TTN: variants seen among roughly 807,000 people sequenced by gnomAD.
TTN encodes the protein connectin.
A neutral mutation model predicts 3,223.0 loss-of-function variants in TTN; 1,525 were observed. That is an observed-to-expected ratio of 0.47 (90% CI 0.45 to 0.49). TTN has a LOEUF of 0.49. TTN is among the 20% of genes least tolerant of loss of function. TTN has a pLI of 0.00. For synonymous variants in TTN, 14,094 were observed against 15,161.0 expected, an observed-to-expected ratio of 0.93 and a Z score of 5.17; for missense variants, 40,786 against 43,424.0, an observed-to-expected ratio of 0.94 and a Z score of 5.40.
chr2:178,740,356 A>G lies in TTN; in HGVS notation c.12877T>C (p.Ser4293Pro). The G allele has an allele frequency of 6.2e-7, 1 of 1,613,646 alleles. No homozygotes were observed. Among genetic ancestry groups the G allele is most frequent in the Non-Finnish European group, 8.5e-7 (1 of 1,179,774 alleles). ...CCTCCTTCTGTGCATGAGTGTTCTG[A>G]AGGGACTAGGGGCTCATAGTTTACC... ...SQVNYEPLVP[S>P]EHSCTEGGKI... The change falls in exon 48 of 363, where the codon TCA becomes CCA. Residue 4293 changes from serine to proline, a missense_variant. Ser to Pro is a moderately conservative substitution (Grantham distance 74, BLOSUM62 -1). Coordinates refer to ENST00000589042, the MANE Select transcript of TTN (RefSeq NM_001267550.2).
chr2:178,605,667 C>T lies in TTN; in HGVS notation c.53628G>A (p.Lys17876=), dbSNP rs761274916. The change falls in exon 279 of 363, where the codon AAG becomes AAA. Residue 17876 remains lysine, a synonymous_variant. Coordinates refer to ENST00000589042, the MANE Select transcript of TTN (RefSeq NM_001267550.2). Reference sequence around the variant, plus strand: ...CTTTCCAGTCAAGTGTGATAGTGGACTTTGTCCTTTCAGTGTATGTGAGCC... The same window carrying T: ...CTTTCCAGTCAAGTGTGATAGTGGATTTTGTCCTTTCAGTGTATGTGAGCC... ...PERLTYTERT[K]STITLDWKEP... is the part of the protein sequence containing the mutation. 6.2e-7 allele frequency: 1 copy of T among 1,604,770 alleles called. No homozygotes were observed. Among genetic ancestry groups the T allele is most frequent in the South Asian group, 1.1e-5 (1 of 89,818 alleles).
In TTN at chr2:178,740,422, G is replaced by A; in HGVS notation, c.12811C>T (p.His4271Tyr). 1 of 1,613,154 alleles carries A rather than the reference G, an allele frequency of 6.2e-7. No individual in the cohort carries two copies. The highest frequency in any genetic ancestry group is 8.5e-7 in the Non-Finnish European group (1 of 1,179,500). ...LILSQSLAEG[H>Y]VESLQSPDVM... is the part of the protein sequence containing the mutation. The stretch of plus-strand genomic sequence containing the variant: ...TCAGGACTCTGGAGACTCTCCACGT[G>A]TCCCTCAGCTAAGCTCTGACTCAAG... Residue 4271 changes from histidine to tyrosine, a missense_variant, in exon 48 of 363, where the codon CAC becomes TAC. His to Tyr is a moderately conservative substitution (Grantham distance 83). Transcript: ENST00000589042.
At chr2:178,748,797 G>A in intron 47 of TTN, 2 of 1,611,962 alleles carry the variant, frequency 1.2e-6, no homozygotes, top group Non-Finnish European at 1.7e-6. Flanking sequence ...TGAGAGGAAA[G>A]CAGCTTTAAA....
chr2:178,640,252 T>A, intron 221 of TTN, 142 bp from the exon 222 acceptor site: 1 of 815,392 alleles, frequency 1.2e-6, no homozygotes, highest in Non-Finnish European at 1.9e-6. Flanking sequence ...ATTTGATTAG[T>A]TTTCATTTTA....
In TTN at chr2:178,559,330, C is replaced by T; in HGVS notation, c.86802G>A (p.Lys28934=). Residue 28934 remains lysine (K), a synonymous_variant, in exon 326 of 363, where the codon AAG becomes AAA. Coordinates refer to ENST00000589042, the MANE Select transcript of TTN (RefSeq NM_001267550.2). The part of the protein sequence containing the change: ...EFGVGIPAET[K]EGVKITEKPS... ...ACATACCTGTTATTTTTACTCCTTC[C>T]TTTGTTTCAGCTGGTATACCAACAC... 1 of 1,592,428 alleles carries T rather than the reference C, an allele frequency of 6.3e-7. No individual in the cohort carries two copies. The highest frequency in any genetic ancestry group is 1.1e-5 in the South Asian group (1 of 87,380).
Position 178,677,656 on chromosome 2 carries a change from G to T in TTN, c.34256C>A (p.Pro11419Gln). 1.2e-6 allele frequency: 2 copies of T among 1,611,790 alleles called. No individual in the cohort carries two copies. The highest frequency in any genetic ancestry group is 1.7e-6 in the Non-Finnish European group (2 of 1,178,720). Residue 11419 changes from proline to glutamine, a missense_variant, in exon 146 of 363, where the codon CCA (proline) becomes CAA (glutamine). Coordinates refer to ENST00000589042, the MANE Select transcript of TTN (RefSeq NM_001267550.2). ...EEFVPEEEVL[P>Q]EVKPKVPVPA... ...TACTGGCACCTTAGGTTTAACTTCT[G>T]GAAGGACTTCTTCTTCAGGTACAAA...
In TTN at chr2:178,699,958, G is replaced by T. The variant is rs567007499; in HGVS notation, c.30683-1044C>A. Among the ~76,000 whole-genome samples, 8 of 150,972 alleles carry T rather than the reference G, an allele frequency of 5.3e-5. No homozygotes were observed. The East Asian group carries it at 1.4e-3, about 26-fold the overall frequency. On this transcript the variant is annotated intron_variant, in intron 111 of 362. Transcript: ENST00000589042. ...TCTCGATCTCCTGACCTCGTGATCC[G>T]CCCACCTCGGCCTCCCAAAGTGCTG...
At chr2:178,608,117 G>A (rs2055360277) in intron 275 of TTN, 36 bp from the exon 276 acceptor site, 1 of 1,606,162 alleles carries the variant, frequency 6.2e-7, no homozygotes, top group Admixed American at 1.7e-5. Flanking sequence ...CAAACTCCCT[G>A]ATGGTTTTAA....
At chr2:178,631,353 C>A in intron 236 of TTN, 53 bp from the exon 237 acceptor site, 1 of 1,523,648 alleles carries the variant, frequency 6.6e-7, no homozygotes, top group Non-Finnish European at 8.7e-7. Flanking sequence ...AGGGAAATGA[C>A]AATCTCTTGG....
chr2:178,753,450 G>A (rs112115865), intron 46 of TTN: 2 of 312,518 alleles, frequency 6.4e-6, no homozygotes, highest in South Asian at 5.3e-5. Flanking sequence ...TTACATGCAT[G>A]CAGAAAGCAA....
intron 356 of TTN, 60 bp from the exon 357 acceptor site, chr2:178,536,635 AT>A (rs1189798606): frequency 2.2e-6 from 3 of 1,374,252 alleles, no homozygotes; most frequent in South Asian, 1.6e-5. Flanking sequence ...ATTAAAGCTT[AT>A]TTTTTTAAAA....
Position 178,613,845 on chromosome 2 carries a change from T to G in TTN, c.49438A>C (p.Ser16480Arg). 6.2e-7 allele frequency: 1 copy of G among 1,612,532 alleles called. No individual in the cohort carries two copies. Among genetic ancestry groups the G allele is most frequent in the East Asian group, 2.2e-5 (1 of 44,738 alleles). ...TCAACCCAGTATCCTGTGATTGGGCTGCCACCATCATCATCTGGCTCACAC... is the reference window on the plus strand; with the variant it reads ...TCAACCCAGTATCCTGTGATTGGGCGGCCACCATCATCATCTGGCTCACAC... ...TWCEPDDDGG[S>R]PITGYWVERL... is the part of the protein sequence containing the mutation. Residue 16480 changes from serine (S) to arginine (R), a missense_variant, in exon 263 of 363, where the codon AGC becomes CGC. Coordinates refer to ENST00000589042, the MANE Select transcript of TTN (RefSeq NM_001267550.2).
At chr2:178,800,052 T>C (rs773246115) in intron 4 of TTN, 142 bp from the exon 5 acceptor site, 2 of 904,570 alleles carry the variant, frequency 2.2e-6, no homozygotes, top group South Asian at 3.3e-5. Flanking sequence ...GGATTTTGCA[T>C]GAATATAAAT....
chr2:178,615,108 C>T lies in TTN; in HGVS notation c.48639-140G>A. ...AACCTGGATTACTTCAACACTATAA[C>T]TGAATACATTTTCATTTCAATACTG... On this transcript the variant is annotated intron_variant, in intron 259 of 362. Coordinates refer to ENST00000589042, the MANE Select transcript of TTN (RefSeq NM_001267550.2). 3.0e-6 allele frequency: 3 copies of T among 992,722 alleles called. No homozygotes were observed. In the East Asian group the frequency reaches 7.8e-5, roughly 26 times the overall value. The allele number at this position is 992,722 out of a possible 1,614,324, so 61.5% of individuals were successfully genotyped here.
chr2:178,608,939 A>G, intron 273 of TTN, 31 bp from the exon 274 acceptor site: 1 of 1,589,746 alleles, frequency 6.3e-7, no homozygotes. Context: ...AGTAATCAAA[A>G]ATTTGTGTGG....
Position 178,539,221 on chromosome 2 carries a change from T to C in TTN, c.98714A>G (p.Glu32905Gly). Residue 32905 changes from glutamate (E) to glycine (G), a missense_variant, in exon 353 of 363, where the codon GAA becomes GGA. Coordinates refer to ENST00000589042, the MANE Select transcript of TTN (RefSeq NM_001267550.2). The stretch of plus-strand genomic sequence containing the variant: ...AGAACTCTTGGTTACATCGAGTACT[T>C]CTGGAGGATTGCTTGGAGGTTCTGG... ...NPPEPPSNPP[E>G]VLDVTKSSVS... 1 of 1,613,694 alleles carries C rather than the reference T, an allele frequency of 6.2e-7. No homozygotes were observed. The highest frequency in any genetic ancestry group is 8.5e-7 in the Non-Finnish European group (1 of 1,179,678).
At position 178,753,115 on chromosome 2, in the gene TTN, T is replaced by C. The variant is rs1014777394; in HGVS notation, c.11311+9A>G. 13 of 1,606,850 alleles carry C rather than the reference T, an allele frequency of 8.1e-6. No individual in the cohort carries two copies. The highest frequency in any genetic ancestry group is 1.1e-5 in the Non-Finnish European group (13 of 1,175,344). On this transcript the variant is annotated intron_variant, in intron 47 of 362. Coordinates refer to ENST00000589042, the MANE Select transcript of TTN (RefSeq NM_001267550.2). ...TTCTACTTAAATCTCACATCCATTA[T>C]AACAATACCTTTCATTTCCATCTCA...
rs776483588 is a variant in TTN at position 178,704,375 on chromosome 2, T to C, written c.29995A>G (p.Thr9999Ala). ...GTGCAAGTCTGGCCTTCTTTCAGAG[T>C]CACATCCTGAAGATGCCGTTCCCAT... is the stretch of plus-strand genomic sequence containing the variant. ...PAWERHLQDVTLKEGQTCTMT... is the reference protein window; with the variant it reads ...PAWERHLQDVALKEGQTCTMT... The change falls in exon 106 of 363, where the codon ACT (threonine) becomes GCT (alanine). Residue 9999 changes from threonine to alanine, a missense_variant. Physicochemically the swap from Thr to Ala is moderately conservative, Grantham distance 58. Coordinates refer to ENST00000589042, the MANE Select transcript of TTN (RefSeq NM_001267550.2). 1.9e-6 allele frequency: 3 copies of C among 1,613,708 alleles called. No individual in the cohort carries two copies. The African/African-American group carries it at 4.0e-5, about 22-fold the overall frequency.
At position 178,553,022 on chromosome 2, in the gene TTN, C is replaced by T; in HGVS notation, c.89878G>A (p.Asp29960Asn). ...VTLLWDPPLIDGGSPIINYVI... is the reference protein window; with the variant it reads ...VTLLWDPPLINGGSPIINYVI... ...TAATTAATTATTGGAGATCCTCCAT[C>T]AATGAGAGGAGGATCCCAGAGCAAA... The change falls in exon 335 of 363, where the codon GAT becomes AAT. Residue 29960 changes from aspartate to asparagine, a missense_variant. Physicochemically the swap from Asp to Asn is conservative, Grantham distance 23. Coordinates refer to ENST00000589042, the MANE Select transcript of TTN (RefSeq NM_001267550.2). 1 of 1,611,580 alleles carries T rather than the reference C, an allele frequency of 6.2e-7. No homozygotes were observed. Among genetic ancestry groups the T allele is most frequent in the Non-Finnish European group, 8.5e-7 (1 of 1,179,668 alleles).
Sources: allele counts gnomAD v4.1 joint callset (sites outside exome capture counted in the v4.1 genomes callset), GRCh38; gene constraint gnomAD v4.1.1; transcripts MANE v1.5; gene names NCBI Gene and HGNC (gene_info 2026-07-23, HGNC 2026-07-21).